Variants in GLCCI1 observed in about 807,000 individuals in gnomAD.
GLCCI1 encodes glucocorticoid induced 1.
GLCCI1 carries 24 observed loss-of-function variants against 52.2 expected under a neutral mutation model. The ratio of observed to expected loss-of-function variants is 0.46; its 90% CI spans 0.33 to 0.65. GLCCI1 has a LOEUF of 0.65. GLCCI1 is among the 30% of genes least tolerant of loss of function. The pLI, the probability that GLCCI1 is intolerant of heterozygous loss-of-function variation, is 0.02. For synonymous variants in GLCCI1, 310 were observed against 276.5 expected (o/e 1.12, Z -1.20); for missense variants, 704 against 701.5 (o/e 1.00, Z -0.04).
At chr7:8,082,835 A>G (rs933650012) in intron 6 of GLCCI1, among the ~76,000 whole-genome samples, 18 of 152,250 alleles carry the variant, frequency 1.2e-4, no homozygotes, top group Non-Finnish European at 2.2e-4. Context: ...GCCAACTCAC[A>G]TCTAGCCTTC....
intron 1 of GLCCI1, chr7:7,981,025 A>T: frequency 2.0e-6 from 1 of 505,100 alleles, no homozygotes. Flanking sequence ...AGTAGAAGAA[A>T]TAAAGGCAGA....
chr7:8,060,356 C>T (rs987649359), intron 5 of GLCCI1, 108 bp downstream of exon 5: 2 of 802,730 alleles, frequency 2.5e-6, no homozygotes, highest in East Asian at 2.7e-5. Flanking sequence ...ACATACCATC[C>T]AGTTTACTCA....
chr7:8,013,932 G>A (rs887889318), intron 2 of GLCCI1, among the ~76,000 whole-genome samples: 1 of 150,684 alleles, frequency 6.6e-6, no homozygotes, highest in East Asian at 1.9e-4. Context: ...TTTTGGAATT[G>A]CATTTGTTGC....
chr7:8,063,334 C>T (rs1782557544), intron 5 of GLCCI1, among the ~76,000 whole-genome samples: 1 of 151,588 alleles, frequency 6.6e-6, no homozygotes, highest in Non-Finnish European at 1.5e-5. Context: ...CTAGTAGAGA[C>T]AGGGTTTCAT....
chr7:8,070,198 T>C (rs1049805297), intron 5 of GLCCI1: 1 of 152,218 alleles, frequency 6.6e-6, no homozygotes, highest in Non-Finnish European at 1.5e-5. Flanking sequence ...CCAAAATATG[T>C]GGCTCTATGA....
At chr7:8,082,317 T>TA (rs1229732078) in intron 6 of GLCCI1, among the ~76,000 whole-genome samples, 1 of 152,164 alleles carries the variant, frequency 6.6e-6, no homozygotes, top group Non-Finnish European at 1.5e-5. Flanking sequence ...TTAGAACTAT[T>TA]AAAGAAAAAT....
At chr7:8,019,401 T>A (rs1349523534) in intron 2 of GLCCI1, among the ~76,000 whole-genome samples, 4 of 152,232 alleles carry the variant, frequency 2.6e-5, no homozygotes, top group Non-Finnish European at 5.9e-5. Context: ...AGAATTTTTT[T>A]ATACTGTTTA....
intron 2 of GLCCI1, among the ~76,000 whole-genome samples, chr7:8,017,621 G>A (rs539577339): frequency 6.6e-6 from 1 of 152,128 alleles, no homozygotes; most frequent in South Asian, 2.1e-4. Flanking sequence ...ACAAAACTTA[G>A]CATAGAGTTG....
chr7:8,062,947 T>C (rs1339997477), intron 5 of GLCCI1, among the ~76,000 whole-genome samples: 1 of 152,230 alleles, frequency 6.6e-6, no homozygotes, highest in Non-Finnish European at 1.5e-5. Context: ...CATGTGTCTT[T>C]ATGGTAGAGC....
intron 5 of GLCCI1, among the ~76,000 whole-genome samples, chr7:8,065,151 T>C (rs944150952): frequency 1.3e-5 from 2 of 152,226 alleles, no homozygotes; most frequent in Admixed American, 1.3e-4. Flanking sequence ...CTTCCTTGGA[T>C]AGCTGTATTC....
At chr7:8,041,966 A>G (rs999310584) in intron 3 of GLCCI1, among the ~76,000 whole-genome samples, 1 of 152,144 alleles carries the variant, frequency 6.6e-6, no homozygotes, top group African/African-American at 2.4e-5. Flanking sequence ...TGCTATGTCT[A>G]TTGTGCTTGT....
intron 1 of GLCCI1, among the ~76,000 whole-genome samples, chr7:7,976,584 A>G (rs1056190746): frequency 6.6e-6 from 1 of 151,278 alleles, no homozygotes; most frequent in Admixed American, 6.6e-5. Flanking sequence ...TGGCAAGGTC[A>G]GTGTCCAAAA....
chr7:8,003,630 T>G (rs1329510015), intron 1 of GLCCI1, among the ~76,000 whole-genome samples: 1 of 152,136 alleles, frequency 6.6e-6, no homozygotes, highest in Non-Finnish European at 1.5e-5. Context: ...GAGTCTTAAT[T>G]AAAATAATGG....
Position 7,988,061 on chromosome 7 carries a change from A to G in GLCCI1, c.458-15847A>G, listed in dbSNP as rs1450558523. 2.0e-5 allele frequency among the ~76,000 whole-genome samples: 3 copies of G among 152,150 alleles called. No individual in the cohort carries two copies. In the East Asian group the frequency reaches 5.8e-4, roughly 29 times the overall value. On this transcript the variant is annotated intron_variant, in intron 1 of 7. Coordinates refer to ENST00000223145, the MANE Select transcript of GLCCI1 (RefSeq NM_138426.4). The stretch of plus-strand genomic sequence containing the variant: ...GGACATAATGCTTTTTGGGGAGAGT[A>G]AGTAGTAGTCTTTCAGTAAGATGAT...
At chr7:8,018,658 C>G (rs539541541) in intron 2 of GLCCI1, among the ~76,000 whole-genome samples, 1 of 152,032 alleles carries the variant, frequency 6.6e-6, no homozygotes, top group Admixed American at 6.6e-5. Context: ...GAAAAGGACC[C>G]CTTCTACCTA....
intron 6 of GLCCI1, 41 bp from the exon 7 acceptor site, chr7:8,084,856 G>A: frequency 6.2e-7 from 1 of 1,606,092 alleles, no homozygotes; most frequent in East Asian, 2.2e-5. Context: ...ATTTAAAAGA[G>A]CTTTCAATCA....
intron 3 of GLCCI1, among the ~76,000 whole-genome samples, chr7:8,024,178 A>G (rs1256194410): frequency 1.3e-5 from 2 of 152,078 alleles, no homozygotes; most frequent in African/African-American, 2.4e-5. Context: ...TATGTACTAT[A>G]GGTTATCAGT....
intron 3 of GLCCI1, among the ~76,000 whole-genome samples, chr7:8,054,455 G>A (rs555040918): frequency 3.9e-5 from 6 of 152,064 alleles, no homozygotes; most frequent in African/African-American, 1.4e-4. Flanking sequence ...CCTTGTTTGG[G>A]TGCTTTATTT....
intron 1 of GLCCI1, among the ~76,000 whole-genome samples, chr7:7,984,214 C>G (rs780587274): frequency 3.9e-5 from 6 of 152,100 alleles, no homozygotes; most frequent in Non-Finnish European, 7.4e-5. Flanking sequence ...GCATGTGCCA[C>G]CACACCTGGC....
Sources: gnomAD v4.1 joint callset for allele counts (sites outside exome capture counted in the v4.1 genomes callset) on GRCh38, gnomAD v4.1.1 for gene constraint, MANE v1.5 for transcripts, NCBI Gene and HGNC (gene_info 2026-07-23, HGNC 2026-07-21) for gene names.